SDK1: variants seen among roughly 807,000 people sequenced by gnomAD.
The protein encoded by SDK1 is sidekick cell adhesion molecule 1.
SDK1 carries 157 observed loss-of-function variants against 245.5 expected under a neutral mutation model. That is an observed-to-expected ratio of 0.64 (90% confidence interval 0.56 to 0.73). The LOEUF (loss-of-function observed/expected upper bound fraction) is 0.73, where lower values mean the gene tolerates loss of function less well. Ranked by LOEUF, SDK1 falls within the 30% of genes least tolerant of loss-of-function variation. The pLI is 0.00. For missense variants in SDK1, 3,583 were observed against 3,002.3 expected, an observed-to-expected ratio of 1.19 and a Z score of -4.52; for synonymous variants, 1,647 against 1,278.5, an observed-to-expected ratio of 1.29 and a Z score of -6.15.
At chr7:3,929,933 A>G (rs1207748175) in intron 5 of SDK1, among the ~76,000 whole-genome samples, 1 of 152,076 alleles carries the variant, frequency 6.6e-6, no homozygotes, top group African/African-American at 2.4e-5. Context: ...ATGGGAGGTG[A>G]GGGGAGCCGG....
chr7:4,009,228 T>C (rs1361377276), intron 14 of SDK1, among the ~76,000 whole-genome samples: 1 of 152,238 alleles, frequency 6.6e-6, no homozygotes, highest in African/African-American at 2.4e-5. Context: ...TCCATGCTTC[T>C]TTCTTCTACA....
At chr7:3,405,872 G>C (rs919086980) in intron 1 of SDK1, among the ~76,000 whole-genome samples, 2 of 148,840 alleles carry the variant, frequency 1.3e-5, no homozygotes, top group Non-Finnish European at 3.0e-5. Context: ...TAGTGCAGTG[G>C]CATGTTCTCA....
intron 22 of SDK1, among the ~76,000 whole-genome samples, chr7:4,103,753 A>T (rs1170988947): frequency 6.6e-6 from 1 of 152,244 alleles, no homozygotes; most frequent in Non-Finnish European, 1.5e-5. Context: ...GTCCACAAGC[A>T]GCCAGAAGTG....
chr7:3,897,345 A>T lies in SDK1; in HGVS notation c.848-53578A>T, dbSNP rs568104723. 4.6e-5 allele frequency among the ~76,000 whole-genome samples: 7 copies of T among 152,268 alleles called. No individual in the cohort carries two copies. The South Asian group carries it at 1.5e-3, about 32-fold the overall frequency. ...CTCAACTGGAAGCTCTTTCCCCATCAAACAATGATTCTCATTCTCCCCTTC... is the reference window on the plus strand; with the variant it reads ...CTCAACTGGAAGCTCTTTCCCCATCTAACAATGATTCTCATTCTCCCCTTC... On this transcript the variant is annotated intron_variant, in intron 5 of 44. Coordinates refer to ENST00000404826, the MANE Select transcript of SDK1 (RefSeq NM_152744.4).
rs116196780 is a variant in SDK1 at position 3,871,651 on chromosome 7, A to G, written c.847+50068A>G. Among the ~76,000 whole-genome samples, 283 of 152,292 alleles carry G rather than the reference A, an allele frequency of 1.9e-3. 1 individual carries two copies. The highest frequency in any genetic ancestry group is 6.5e-3 in the African/African-American group (272 of 41,548). On this transcript the variant is annotated intron_variant, in intron 5 of 44. Coordinates refer to ENST00000404826, the MANE Select transcript of SDK1 (RefSeq NM_152744.4). Reference sequence around the variant, plus strand: ...CTGTGTGCAGAGATCCCAGGGCAAGAGCAGAAGCAAGTAGCGGGGAGGCGC... The same window carrying G: ...CTGTGTGCAGAGATCCCAGGGCAAGGGCAGAAGCAAGTAGCGGGGAGGCGC...
intron 1 of SDK1, among the ~76,000 whole-genome samples, chr7:3,490,941 A>G (rs1287367308): frequency 1.3e-5 from 2 of 152,108 alleles, no homozygotes; most frequent in Non-Finnish European, 1.5e-5. Flanking sequence ...TTAGGCATTC[A>G]CTCTGTGTAA....
intron 5 of SDK1, among the ~76,000 whole-genome samples, chr7:3,901,647 G>C (rs1781794268): frequency 6.6e-6 from 1 of 152,154 alleles, no homozygotes; most frequent in Non-Finnish European, 1.5e-5. Flanking sequence ...TCAATAATCT[G>C]TGTGGTAATA....
chr7:3,497,297 A>T (rs1388614236), intron 1 of SDK1, among the ~76,000 whole-genome samples: 1 of 152,206 alleles, frequency 6.6e-6, no homozygotes, highest in Non-Finnish European at 1.5e-5. Context: ...AATGTACGCA[A>T]GGGGACTGGT....
At chr7:3,585,415 G>GT (rs1780652622) in intron 1 of SDK1, among the ~76,000 whole-genome samples, 1 of 152,124 alleles carries the variant, frequency 6.6e-6, no homozygotes, top group Non-Finnish European at 1.5e-5. Flanking sequence ...AAGAATGAGC[G>GT]TATAGGCTGC....
chr7:3,651,826 A>G (rs1783022765), intron 4 of SDK1, among the ~76,000 whole-genome samples: 2 of 152,208 alleles, frequency 1.3e-5, no homozygotes, highest in African/African-American at 4.8e-5. Flanking sequence ...GATAGCTGAG[A>G]GCAGTAATAG....
At chr7:3,850,370 T>C (rs1432910283) in intron 5 of SDK1, among the ~76,000 whole-genome samples, 1 of 152,230 alleles carries the variant, frequency 6.6e-6, no homozygotes. Flanking sequence ...TTTTACTCTT[T>C]TCTGGAATGA....
chr7:3,694,019 T>A (rs1381014795), intron 4 of SDK1, among the ~76,000 whole-genome samples: 2 of 152,188 alleles, frequency 1.3e-5, no homozygotes, highest in African/African-American at 2.4e-5. Context: ...TTGTGGCATT[T>A]TGTTTGTATC....
chr7:3,503,934 G>A (rs551001341), intron 1 of SDK1, among the ~76,000 whole-genome samples: 13 of 151,976 alleles, frequency 8.6e-5, no homozygotes, highest in South Asian at 2.1e-4. Context: ...GGCGGATCAC[G>A]AGGTCAGGAG....
rs564942440 is a variant in SDK1 at position 4,183,352 on chromosome 7, C to T, written c.5098+4766C>T. Among the ~76,000 whole-genome samples the T allele has an allele frequency of 2.6e-5, 4 of 152,256 alleles. No homozygotes were observed. In the South Asian group the frequency reaches 8.3e-4, roughly 32 times the overall value. On this transcript the variant is annotated intron_variant, in intron 35 of 44. Transcript: ENST00000404826. ...AGTGAGGGATTACTTACCCAGCTTA[C>T]AGGCTGGGTGCGGTGGTTCATGCCT... is the stretch of plus-strand genomic sequence containing the variant.
At chr7:3,526,989 C>CAAGGTATAATACCTTTA (rs1460867121) in intron 1 of SDK1, among the ~76,000 whole-genome samples, 9 of 152,160 alleles carry the variant, frequency 5.9e-5, no homozygotes, top group Admixed American at 3.3e-4. Context: ...CTACCTTCAG[C>CAAGGTATAATACCTTTA]TTCAGTGTGA....
At chr7:3,410,885 CCCAAACCATA>C in intron 1 of SDK1, among the ~76,000 whole-genome samples, 1 of 152,186 alleles carries the variant, frequency 6.6e-6, no homozygotes, top group South Asian at 2.1e-4. Flanking sequence ...CCACGCCCAG[CCCAAACCATA>C]TTCTTAACTC....
At chr7:3,856,953 T>C (rs568481992) in intron 5 of SDK1, among the ~76,000 whole-genome samples, 48 of 152,244 alleles carry the variant, frequency 3.2e-4, no homozygotes, top group African/African-American at 1.1e-3. Flanking sequence ...AAGAGGGATA[T>C]TTCCTGCTGA....
At chr7:3,806,006 AT>A (rs112086308) in intron 4 of SDK1, among the ~76,000 whole-genome samples, 2,538 of 152,184 alleles carry the variant, frequency 0.017, 78 homozygotes, top group African/African-American at 0.057. Flanking sequence ...TCCTCCTCCT[AT>A]AGATCTCTGT....
intron 4 of SDK1, among the ~76,000 whole-genome samples, chr7:3,707,441 C>T (rs915269986): frequency 1.1e-4 from 17 of 152,154 alleles, no homozygotes; most frequent in African/African-American, 3.9e-4. Flanking sequence ...ATTTTTAAAA[C>T]ATTTATCGAG....
Sources: allele counts gnomAD v4.1 joint callset (sites outside exome capture counted in the v4.1 genomes callset), GRCh38; gene constraint gnomAD v4.1.1; transcripts MANE v1.5; gene names NCBI Gene and HGNC (gene_info 2026-07-23, HGNC 2026-07-21).